DRC8: variants seen among roughly 807,000 people sequenced by gnomAD.
The protein encoded by DRC8 is dynein regulatory complex protein 8.
At chr1:245,113,019 G>A in the DRC8 span, among the ~76,000 whole-genome samples, 1 of 152,212 alleles carries the variant, frequency 6.6e-6, no homozygotes, top group South Asian at 2.1e-4. Flanking sequence ...CTCCCAAAGT[G>A]TTGGGATTAC....
chr1:245,043,537 C>T, the DRC8 span, among the ~76,000 whole-genome samples: 1 of 151,774 alleles, frequency 6.6e-6, no homozygotes, highest in African/African-American at 2.4e-5. Context: ...AAAAGCCTAC[C>T]AAAATTGAGG....
the DRC8 span, among the ~76,000 whole-genome samples, chr1:245,068,600 C>T: frequency 2.6e-5 from 4 of 151,598 alleles, no homozygotes; most frequent in Non-Finnish European, 4.4e-5. Flanking sequence ...TGCCACCACT[C>T]CCAGCTAATT....
chr1:245,019,427 C>T, the DRC8 span, among the ~76,000 whole-genome samples: 1 of 152,140 alleles, frequency 6.6e-6, no homozygotes, highest in Admixed American at 6.5e-5. Flanking sequence ...TTACTCTGTC[C>T]TCCAGGCTAG....
At chr1:245,027,852 G>A in the DRC8 span, among the ~76,000 whole-genome samples, 1 of 145,846 alleles carries the variant, frequency 6.9e-6, no homozygotes, top group African/African-American at 2.5e-5. Context: ...TTATTTTTGT[G>A]TGTTGATTCT....
At chr1:245,117,544 C>T in the DRC8 span, among the ~76,000 whole-genome samples, 1 of 151,960 alleles carries the variant, frequency 6.6e-6, no homozygotes, top group East Asian at 2.0e-4. Flanking sequence ...TTTCCTCAGC[C>T]TCCCAAGGAG....
chr1:245,102,459 C>T, the DRC8 span, among the ~76,000 whole-genome samples: 998 of 152,276 alleles, frequency 6.6e-3, 7 homozygotes, highest in African/African-American at 0.023. Context: ...AAGCGATCCT[C>T]CTGCCTCAGC....
chr1:244,988,160 A>T, the DRC8 span, among the ~76,000 whole-genome samples: 1 of 152,220 alleles, frequency 6.6e-6, no homozygotes, highest in Non-Finnish European at 1.5e-5. Flanking sequence ...ATATGGAATT[A>T]AAGTGAAAAG....
chr1:245,050,370 G>C, the DRC8 span, among the ~76,000 whole-genome samples: 2 of 151,964 alleles, frequency 1.3e-5, no homozygotes, highest in African/African-American at 4.8e-5. Context: ...AAACTCCTGG[G>C]ATAACAGGCG....
the DRC8 span, among the ~76,000 whole-genome samples, chr1:245,076,851 C>T: frequency 1.6e-4 from 25 of 152,140 alleles, no homozygotes; most frequent in East Asian, 4.3e-3. Context: ...CTCAGCCTCC[C>T]GAGTAGCTGG....
At chr1:245,051,379 C>A in the DRC8 span, among the ~76,000 whole-genome samples, 1 of 152,044 alleles carries the variant, frequency 6.6e-6, no homozygotes, top group African/African-American at 2.4e-5. Context: ...ACAGAGCAGA[C>A]CCCATCTCCT....
At chr1:245,105,888 G>T in the DRC8 span, among the ~76,000 whole-genome samples, 4 of 152,140 alleles carry the variant, frequency 2.6e-5, no homozygotes, top group Non-Finnish European at 5.9e-5. Flanking sequence ...AGACGCCTGG[G>T]CAACAAAGTG....
At chr1:245,123,916 T>C in the DRC8 span, 1 of 152,002 alleles carries the variant, frequency 6.6e-6, no homozygotes, top group Non-Finnish European at 1.5e-5. This position sits in a 1 kb window ranked among gnomAD's most constrained non-coding sequence, Gnocchi z 5.0. Context: ...TATATATATA[T>C]ATATATTTAG....
At chr1:244,991,403 G>A in the DRC8 span, among the ~76,000 whole-genome samples, 2 of 152,078 alleles carry the variant, frequency 1.3e-5, no homozygotes, top group African/African-American at 4.8e-5. Context: ...ATGTAGGCAT[G>A]GTTGGTTCGA....
the DRC8 span, among the ~76,000 whole-genome samples, chr1:245,064,720 G>A: frequency 6.6e-6 from 1 of 152,256 alleles, no homozygotes; most frequent in African/African-American, 2.4e-5. Context: ...GGATTTTTCA[G>A]GTCTTCAGTA....
the DRC8 span, among the ~76,000 whole-genome samples, chr1:244,971,512 C>A: frequency 6.6e-6 from 1 of 152,048 alleles, no homozygotes; most frequent in East Asian, 1.9e-4. Flanking sequence ...CCCTTAGGTA[C>A]TAAAAAATAA....
the DRC8 span, among the ~76,000 whole-genome samples, chr1:245,084,679 A>C: frequency 6.6e-6 from 1 of 152,140 alleles, no homozygotes; most frequent in African/African-American, 2.4e-5. Context: ...TCCCATACAA[A>C]GCTAGAGCTC....
the DRC8 span, among the ~76,000 whole-genome samples, chr1:245,046,138 G>A: frequency 1.3e-5 from 2 of 151,954 alleles, no homozygotes; most frequent in South Asian, 4.2e-4. Context: ...TATTATATAT[G>A]ATTTTATCAA....
chr1:245,021,053 T>C, the DRC8 span, among the ~76,000 whole-genome samples: 1 of 151,880 alleles, frequency 6.6e-6, no homozygotes, highest in South Asian at 2.1e-4. Flanking sequence ...ATTGAACGTA[T>C]GTAAAACAAT....
chr1:245,105,648 AAAAC>A, the DRC8 span, among the ~76,000 whole-genome samples: 14 of 151,934 alleles, frequency 9.2e-5, no homozygotes. Context: ...ACAAAAAACA[AAAAC>A]AAAAACCCAA....
Sources: gnomAD v4.1 joint callset for allele counts (sites outside exome capture counted in the v4.1 genomes callset) on GRCh38, gnomAD v4.1.1 for gene constraint, Gnocchi (gnomAD v3.1) non-coding constraint, MANE v1.5 for transcripts, NCBI Gene and HGNC (gene_info 2026-07-23, HGNC 2026-07-21) for gene names.